The following NSD2 variants were observed in gnomAD, a reference collection of about 807,000 sequenced individuals.
NSD2 encodes histone-lysine N-methyltransferase NSD2.
In NSD2, 12 loss-of-function variants were observed where a neutral mutation model predicts 139.0. The observed-to-expected ratio is 0.09, with a 90% CI of 0.06 to 0.14. NSD2 has a LOEUF of 0.14. Ranked by LOEUF, NSD2 falls within the 10% of genes least tolerant of loss-of-function variation. The probability of loss-of-function intolerance (pLI) is 1.00; values close to 1 mark genes in which losing one functional copy is unlikely to be tolerated. For synonymous variants in NSD2, 669 were observed against 648.7 expected, an observed-to-expected ratio of 1.03 and a Z score of -0.48; for missense variants, 1,155 against 1,745.0, an observed-to-expected ratio of 0.66 and a Z score of 6.02.
rs542322666 is a variant in NSD2, at chr4:1,979,833, G to A, written c.*924G>A. Reference sequence around the variant, plus strand: ...AGTGTGTGTTTACTGATGCGGCCCTGAGCTCCATGGCGAAAGGAGTGACTT... The same window carrying A: ...AGTGTGTGTTTACTGATGCGGCCCTAAGCTCCATGGCGAAAGGAGTGACTT... On this transcript the variant is annotated 3_prime_UTR_variant, in exon 22 of 22. Transcript: ENST00000508803. 4.3e-6 allele frequency: 1 copy of A among 232,692 alleles called. No individual in the cohort carries two copies. Among genetic ancestry groups the A allele is most frequent in the Non-Finnish European group, 8.5e-6 (1 of 117,696 alleles). The allele number at this position is 232,692 out of a possible 1,614,324, so 14.4% of individuals were successfully genotyped here. A position where few individuals can be genotyped will look rare whatever the true frequency, so the allele number is the denominator to read the frequency against.
Position 1,940,428 on chromosome 4 carries a change from A to G in NSD2, c.1881+650A>G, listed in dbSNP as rs937090511. ...TGCTGCCTGCCATCATTGTAACATG[A>G]CACTTAGACTTTATTATCAAACCTA... On this transcript the variant is annotated intron_variant, in intron 9 of 21. Transcript: ENST00000508803. The G allele has an allele frequency of 3.4e-5, 36 of 1,063,344 alleles. No individual in the cohort carries two copies. In the African/African-American group the frequency reaches 5.7e-4, roughly 17 times the overall value. 65.9% of individuals were successfully genotyped at this position (1,063,344 alleles called of 1,614,324 possible).
intron 5 of NSD2, among the ~76,000 whole-genome samples, chr4:1,922,611 T>C (rs1021517517): frequency 4.6e-5 from 7 of 152,164 alleles, no homozygotes; most frequent in African/African-American, 1.7e-4. Flanking sequence ...CTCTACCAGA[T>C]AGGAAGTTAT....
intron 1 of NSD2, among the ~76,000 whole-genome samples, chr4:1,885,912 A>G (rs919793985): frequency 8.5e-5 from 13 of 152,114 alleles, no homozygotes; most frequent in South Asian, 2.1e-4. Context: ...GAGATGTGCA[A>G]TTTGACACAT....
intron 17 of NSD2, among the ~76,000 whole-genome samples, chr4:1,960,061 G>A (rs1161603002): frequency 1.3e-5 from 2 of 151,970 alleles, no homozygotes; most frequent in Non-Finnish European, 2.9e-5. Flanking sequence ...GTCTTGCTGT[G>A]TTGCCCAGGC....
At position 1,946,197 on chromosome 4, in the gene NSD2, TACTC is replaced by T. The variant is rs528152900; in HGVS notation, c.1882-4872_1882-4869del. 1,047 of 1,018,670 alleles carry T rather than the reference TACTC, an allele frequency of 1.0e-3. 10 individuals are homozygous for T. The African/African-American group carries it at 0.016, about 16-fold the overall frequency. 63.1% of individuals were successfully genotyped at this position (1,018,670 alleles called of 1,614,324 possible). On this transcript the variant is annotated intron_variant, in intron 9 of 21. Transcript: ENST00000508803. ...TGTCATTAGAAAAGGTTTCTTAAAA[TACTC>T]ACAAAGCTGTTATTGGCTTCTTAAC...
rs1158378752 is a variant in NSD2, at chr4:1,952,302, C to T, written c.2137+71C>T. 1.1e-5 allele frequency: 18 copies of T among 1,594,474 alleles called. No homozygotes were observed. In the East Asian group the frequency reaches 3.8e-4, roughly 34 times the overall value. On this transcript the variant is annotated intron_variant, in intron 11 of 21. Coordinates refer to ENST00000508803, the MANE Select transcript of NSD2 (RefSeq NM_001042424.3). ...GCTCCTGCAACCCCCTGCACCAAGT[C>T]CTGCCCTGAGCTGCCTGCAGAGGAC... is the stretch of plus-strand genomic sequence containing the variant.
intron 3 of NSD2, among the ~76,000 whole-genome samples, chr4:1,908,858 C>T (rs1346974542): frequency 6.6e-6 from 1 of 152,128 alleles, no homozygotes; most frequent in Non-Finnish European, 1.5e-5. Flanking sequence ...TAGCTCACTC[C>T]AGGCTCAAAC....
chr4:1,876,500 G>A (rs912014236), intron 1 of NSD2, among the ~76,000 whole-genome samples: 1 of 152,098 alleles, frequency 6.6e-6, no homozygotes, highest in African/African-American at 2.4e-5. Flanking sequence ...ACACCAGCTT[G>A]GGCAACATAG....
At chr4:1,950,945 G>A (rs1173408217) in intron 9 of NSD2, 127 bp from the exon 10 acceptor site, 8 of 1,223,374 alleles carry the variant, frequency 6.5e-6, no homozygotes, top group Middle Eastern at 2.8e-4. Context: ...AATCACTGGC[G>A]GTACAGGACC....
intron 6 of NSD2, among the ~76,000 whole-genome samples, chr4:1,934,576 G>T (rs555323581): frequency 6.6e-6 from 1 of 150,444 alleles, no homozygotes; most frequent in African/African-American, 2.4e-5. Flanking sequence ...AAGGCCAGGC[G>T]CGGTGGCTCA....
chr4:1,926,311 C>T (rs1479287301), intron 5 of NSD2, among the ~76,000 whole-genome samples: 5 of 151,732 alleles, frequency 3.3e-5, no homozygotes, highest in East Asian at 1.9e-4. Context: ...CCCACCACCA[C>T]GCCCAGCTAA....
At chr4:1,935,869 A>AT (rs1252779068) in intron 7 of NSD2, among the ~76,000 whole-genome samples, 3 of 152,036 alleles carry the variant, frequency 2.0e-5, no homozygotes, top group Non-Finnish European at 4.4e-5. Flanking sequence ...TCAAAAAAAA[A>AT]CAAACAAAAA....
At chr4:1,940,401 G>GC in intron 9 of NSD2, 1 of 1,063,330 alleles carries the variant, frequency 9.4e-7, no homozygotes, top group Non-Finnish European at 1.1e-6. Flanking sequence ...GCCATTTGGG[G>GC]CTGCTGCCTG....
At position 1,949,060 on chromosome 4, in the gene NSD2, A is replaced by G. The variant is rs184352566; in HGVS notation, c.1882-2012A>G. ...GAGTGGGGCCCCAGACAGTGTGGCC[A>G]CTGCTTCCCCATGCCCTGTGCTCCC... On this transcript the variant is annotated intron_variant, in intron 9 of 21. Coordinates refer to ENST00000508803, the MANE Select transcript of NSD2 (RefSeq NM_001042424.3). Among the ~76,000 whole-genome samples the G allele has an allele frequency of 2.6e-4, 39 of 152,284 alleles. No homozygotes were observed. The East Asian group carries it at 6.2e-3, about 24-fold the overall frequency.
chr4:1,935,085 C>T, intron 6 of NSD2, 59 bp from the exon 7 acceptor site: 2 of 1,420,602 alleles, frequency 1.4e-6, no homozygotes, highest in Non-Finnish European at 2.0e-6. Context: ...TCTCACAGTG[C>T]TTCAAATGCA....
chr4:1,976,467 G>A lies in NSD2; in HGVS notation c.3622-8G>A, dbSNP rs767663779. The A allele has an allele frequency of 6.2e-7, 1 of 1,612,154 alleles. No individual in the cohort carries two copies. The highest frequency in any genetic ancestry group is 2.2e-5 in the East Asian group (1 of 44,848). ...TTCCGGTGATCTGTGCTTAATTCTT[G>A]ACTCTAGACCTCGACGACCCTTTCA... On this transcript the variant is annotated splice_region_variant and splice_polypyrimidine_tract_variant and intron_variant, in intron 20 of 21. Transcript: ENST00000508803. The surrounding 1 kb of genome is among the most constrained non-coding windows in gnomAD (Gnocchi z 5.3).
intron 9 of NSD2, chr4:1,946,816 G>T: frequency 9.5e-7 from 1 of 1,055,642 alleles, no homozygotes; most frequent in Non-Finnish European, 1.1e-6. Flanking sequence ...CATTCTTACA[G>T]CAGGGTGTCT....
At chr4:1,947,950 C>G in intron 9 of NSD2, 1 of 1,056,960 alleles carries the variant, frequency 9.5e-7, no homozygotes, top group Non-Finnish European at 1.1e-6. Context: ...ACAGGTCACC[C>G]TGAAGGGCCA....
rs1381544620 is a variant in NSD2, at chr4:1,940,901, C to T, written c.1881+1123C>T. On this transcript the variant is annotated intron_variant, in intron 9 of 21. Coordinates refer to ENST00000508803, the MANE Select transcript of NSD2 (RefSeq NM_001042424.3). The stretch of plus-strand genomic sequence containing the variant: ...TCTGCGGCTTGCCACTCTGAATCCT[C>T]AGCGACCACTCCTCCGAGTGGGATT... 3 of 1,057,258 alleles carry T rather than the reference C, an allele frequency of 2.8e-6. No individual in the cohort carries two copies. The African/African-American group carries it at 4.9e-5, about 17-fold the overall frequency. 65.5% of individuals were successfully genotyped at this position (1,057,258 alleles called of 1,614,324 possible). A position where few individuals can be genotyped will look rare whatever the true frequency, so the allele number is the denominator to read the frequency against.
Sources: allele counts gnomAD v4.1 joint callset (sites outside exome capture counted in the v4.1 genomes callset), GRCh38; gene constraint gnomAD v4.1.1; non-coding constraint Gnocchi (gnomAD v3.1); transcripts MANE v1.5; gene names NCBI Gene and HGNC (gene_info 2026-07-23, HGNC 2026-07-21).